Variants in PALLD observed in about 807,000 individuals in gnomAD.
PALLD encodes palladin.
In PALLD, 61 loss-of-function variants were observed where a neutral mutation model predicts 123.5. The observed-to-expected ratio is 0.49, with a 90% CI of 0.40 to 0.61. The LOEUF is 0.61. PALLD is among the 20% of genes least tolerant of loss of function. The pLI is 0.00. For missense variants in PALLD, 1,273 were observed against 1,377.0 expected (o/e 0.92, Z 1.20); for synonymous variants, 465 against 496.4 (o/e 0.94, Z 0.84).
chr4:168,600,863 T>G (rs1038029173), intron 2 of PALLD, among the ~76,000 whole-genome samples: 1 of 152,184 alleles, frequency 6.6e-6, no homozygotes, highest in African/African-American at 2.4e-5. Context: ...TACTCTAGAA[T>G]ACTTGCAAGA....
intron 3 of PALLD, among the ~76,000 whole-genome samples, chr4:168,678,660 C>CG (rs1233488111): frequency 1.3e-5 from 2 of 152,062 alleles, no homozygotes; most frequent in African/African-American, 2.4e-5. Context: ...TGCAGCCCCC[C>CG]GGGAAGTCCC....
At chr4:168,584,141 A>G (rs1217850720) in intron 2 of PALLD, among the ~76,000 whole-genome samples, 2 of 152,248 alleles carry the variant, frequency 1.3e-5, no homozygotes, top group South Asian at 2.1e-4. Flanking sequence ...GTGGCTTTGC[A>G]TAATTGGAAA....
At position 168,681,342 on chromosome 4, in the gene PALLD, AACAGATT is replaced by A. The variant is rs777137911; in HGVS notation, c.1099_1105del (p.Thr367LeufsTer6). 2 of 1,603,812 alleles carry A rather than the reference AACAGATT, an allele frequency of 1.2e-6. No individual in the cohort carries two copies. Among genetic ancestry groups the A allele is most frequent in the African/African-American group, 2.7e-5 (2 of 74,704 alleles). ...TTAATACTTTCCCAGGTGCCAGTTC[AACAGATT>A]CTGACAGTGAAAGTTTAGCTTTCAA... On this transcript the variant is annotated frameshift_variant, in exon 4 of 22. Coordinates refer to ENST00000505667, the MANE Select transcript of PALLD (RefSeq NM_001166108.2). LOFTEE classifies it high-confidence loss of function.
intron 2 of PALLD, among the ~76,000 whole-genome samples, chr4:168,616,906 C>A (rs1342781657): frequency 6.6e-6 from 1 of 152,100 alleles, no homozygotes; most frequent in Non-Finnish European, 1.5e-5. Context: ...AGTAATAGAG[C>A]CCCTAAGTCT....
At chr4:168,822,808 A>G (rs1410525922) in intron 10 of PALLD, among the ~76,000 whole-genome samples, 1 of 152,204 alleles carries the variant, frequency 6.6e-6, no homozygotes, top group African/African-American at 2.4e-5. Context: ...GATTATGAAG[A>G]GCTTGAGAAT....
chr4:168,789,930 C>T (rs1737274164), intron 10 of PALLD, among the ~76,000 whole-genome samples: 1 of 152,050 alleles, frequency 6.6e-6, no homozygotes, highest in Non-Finnish European at 1.5e-5. Context: ...AATCAAAACA[C>T]TGTCCTTGAG....
At chr4:168,533,318 A>G (rs1158873945) in intron 2 of PALLD, among the ~76,000 whole-genome samples, 2 of 152,194 alleles carry the variant, frequency 1.3e-5, no homozygotes, top group African/African-American at 4.8e-5. Flanking sequence ...ACCTAATTAG[A>G]ATGTTATTAT....
At chr4:168,644,697 A>C (rs1777273485) in intron 2 of PALLD, among the ~76,000 whole-genome samples, 1 of 151,684 alleles carries the variant, frequency 6.6e-6, no homozygotes, top group Non-Finnish European at 1.5e-5. Context: ...ATTCGTGATA[A>C]CTCTCTTCAT....
chr4:168,505,238 T>C (rs1761889887), intron 1 of PALLD, among the ~76,000 whole-genome samples: 1 of 152,294 alleles, frequency 6.6e-6, no homozygotes, highest in East Asian at 1.9e-4. Context: ...TATTATTTTC[T>C]TTTTCAATGT....
At position 168,679,585 on chromosome 4, in the gene PALLD, A is replaced by G. The variant is rs147130821; in HGVS notation, c.1088-1747A>G. Among the ~76,000 whole-genome samples, 5 of 142,798 alleles carry G rather than the reference A, an allele frequency of 3.5e-5. No homozygotes were observed. In the East Asian group the frequency reaches 1.0e-3, roughly 29 times the overall value. 93.7% of individuals were successfully genotyped at this position (142,798 alleles called of 152,430 possible). A position where few individuals can be genotyped will look rare whatever the true frequency, so the allele number is the denominator to read the frequency against. ...TGTGTGTGTGTCCTCTTCACTGCGTATCCCCCTTACTTATGGAGTGCACAC... is the reference window on the plus strand; with the variant it reads ...TGTGTGTGTGTCCTCTTCACTGCGTGTCCCCCTTACTTATGGAGTGCACAC... On this transcript the variant is annotated intron_variant, in intron 3 of 21. Transcript: ENST00000505667.
At chr4:168,813,320 T>A (rs1203636890) in intron 10 of PALLD, among the ~76,000 whole-genome samples, 1 of 152,158 alleles carries the variant, frequency 6.6e-6, no homozygotes, top group Non-Finnish European at 1.5e-5. Flanking sequence ...TCACTCTACA[T>A]CATGCCCAAC....
chr4:168,638,781 C>T (rs1344986807), intron 2 of PALLD, among the ~76,000 whole-genome samples: 1 of 151,968 alleles, frequency 6.6e-6, no homozygotes, highest in Non-Finnish European at 1.5e-5. Flanking sequence ...AACCTAATCA[C>T]CTCCCAGAAG....
chr4:168,743,945 G>C (rs183248223), intron 10 of PALLD, among the ~76,000 whole-genome samples: 2 of 152,310 alleles, frequency 1.3e-5, no homozygotes, highest in Non-Finnish European at 2.9e-5. Context: ...TGCTTCCACT[G>C]TCTGAGAAAT....
At position 168,921,729 on chromosome 4, in the gene PALLD, C is replaced by T. The variant is rs1761546367; in HGVS notation, c.3046C>T (p.Leu1016Phe). Residue 1016 changes from leucine (L) to phenylalanine (F), a missense_variant, in exon 18 of 22, where the codon CTT (leucine) becomes TTT (phenylalanine). By Grantham distance (22) the Leu-to-Phe change is conservative. Around this residue, in one of 2 missense-constraint regions of PALLD, gnomAD observed 329 missense variants for 422.5 expected, o/e 0.78. Coordinates refer to ENST00000505667, the MANE Select transcript of PALLD (RefSeq NM_001166108.2). The stretch of plus-strand genomic sequence containing the variant: ...AGGACAGAACTCATTCAGCCTGGAG[C>T]TTGTGGTTGCTGGTAGGCTCATCTG... ...RAGQNSFSLE[L>F]VVAAKEAHKP... 8 of 1,611,174 alleles carry T rather than the reference C, an allele frequency of 5.0e-6. No individual in the cohort carries two copies. Among genetic ancestry groups the T allele is most frequent in the Non-Finnish European group, 6.8e-6 (8 of 1,179,386 alleles).
chr4:168,653,260 A>G (rs1246082486), intron 2 of PALLD, among the ~76,000 whole-genome samples: 16 of 152,308 alleles, frequency 1.1e-4, no homozygotes, highest in Middle Eastern at 3.4e-3. Context: ...GTCCAATTTC[A>G]AACAACCTGG....
chr4:168,658,906 C>T (rs1014340947), intron 2 of PALLD, among the ~76,000 whole-genome samples: 3 of 152,104 alleles, frequency 2.0e-5, no homozygotes, highest in Non-Finnish European at 4.4e-5. Context: ...ATCTGTTGTC[C>T]ACACAAATTT....
In PALLD at chr4:168,711,533, G is replaced by A. The variant is rs377079080; in HGVS notation, c.1622-48G>A. On this transcript the variant is annotated intron_variant, in intron 9 of 21. Coordinates refer to ENST00000505667, the MANE Select transcript of PALLD (RefSeq NM_001166108.2). The stretch of plus-strand genomic sequence containing the variant: ...CTCTGACAGTGTGAAATCACTTGTT[G>A]AACTAGTGGCATCTTCTTATGTTTT... 7 of 1,272,674 alleles carry A rather than the reference G, an allele frequency of 5.5e-6. No homozygotes were observed. In the African/African-American group the frequency reaches 5.9e-5, roughly 11 times the overall value. 78.8% of individuals were successfully genotyped at this position (1,272,674 alleles called of 1,614,324 possible). A position where few individuals can be genotyped will look rare whatever the true frequency, so the allele number is the denominator to read the frequency against.
chr4:168,739,354 T>C (rs780111659), intron 10 of PALLD, among the ~76,000 whole-genome samples: 2 of 152,232 alleles, frequency 1.3e-5, no homozygotes, highest in African/African-American at 2.4e-5. Flanking sequence ...CTGTTTTCCA[T>C]AGTGGCTATA....
At chr4:168,797,967 G>GA (rs1345153742) in intron 10 of PALLD, among the ~76,000 whole-genome samples, 1 of 151,522 alleles carries the variant, frequency 6.6e-6, no homozygotes, top group African/African-American at 2.4e-5. Context: ...CTTGAGTTCA[G>GA]TGTCATCAAA....
Sources: gnomAD v4.1 joint callset for allele counts (sites outside exome capture counted in the v4.1 genomes callset) on GRCh38, gnomAD v4.1.1 for gene constraint, gnomAD v4.1.1 regional missense constraint, MANE v1.5 for transcripts, NCBI Gene and HGNC (gene_info 2026-07-23, HGNC 2026-07-21) for gene names.